RBFOX1: variants seen among roughly 807,000 people sequenced by gnomAD.
RBFOX1 encodes the protein RNA binding fox-1 homolog 1, also known as RNA binding protein fox-1 homolog 1.
RBFOX1 carries 8 observed loss-of-function variants against 57.7 expected under a neutral mutation model. The ratio of observed to expected loss-of-function variants is 0.14; its 90% confidence interval spans 0.08 to 0.25. RBFOX1 has a LOEUF of 0.25. RBFOX1 is among the 10% of genes least tolerant of loss of function. RBFOX1 has a pLI of 1.00. For synonymous variants in RBFOX1, 326 were observed against 222.4 expected (o/e 1.47, Z -4.15); for missense variants, 611 against 548.5 (o/e 1.11, Z -1.14).
chr16:5,623,503 G>T (rs1474056773), intron 3 of RBFOX1, among the ~76,000 whole-genome samples: 1 of 152,118 alleles, frequency 6.6e-6, no homozygotes, highest in Non-Finnish European at 1.5e-5. Context: ...GGCCCATGAA[G>T]ACTTTTCTGC....
chr16:7,616,706 A>G (rs953765187), intron 10 of RBFOX1, among the ~76,000 whole-genome samples: 6 of 152,028 alleles, frequency 3.9e-5, no homozygotes, highest in African/African-American at 1.4e-4. Flanking sequence ...TAACTTTTGT[A>G]TTTTTAGTAG....
chr16:6,289,261 A>T (rs961209160), intron 1 of RBFOX1, among the ~76,000 whole-genome samples: 1 of 152,132 alleles, frequency 6.6e-6, no homozygotes, highest in East Asian at 1.9e-4. Context: ...TGGATATAGG[A>T]TGGAAAGGTT....
In RBFOX1 at chr16:7,387,137, T is replaced by A. The variant is rs544878016; in HGVS notation, c.28-131010T>A. Among the ~76,000 whole-genome samples, 6 of 152,314 alleles carry A rather than the reference T, an allele frequency of 3.9e-5. No homozygotes were observed. The East Asian group carries it at 1.2e-3, about 29-fold the overall frequency. On this transcript the variant is annotated intron_variant, in intron 4 of 15. Coordinates refer to ENST00000550418, the MANE Select transcript of RBFOX1 (RefSeq NM_018723.4). The stretch of plus-strand genomic sequence containing the variant: ...TTCTGGATATTAGCCCTTTGTCAGA[T>A]GAATAGATGGTAAAAATTTTGTCCC...
intron 3 of RBFOX1, among the ~76,000 whole-genome samples, chr16:6,777,739 G>C (rs1411835471): frequency 1.3e-5 from 2 of 152,018 alleles, no homozygotes; most frequent in Non-Finnish European, 2.9e-5. Context: ...TGGTGGGCTT[G>C]GTAAATTTTT....
intron 2 of RBFOX1, among the ~76,000 whole-genome samples, chr16:6,465,542 C>T (rs947169009): frequency 3.3e-5 from 5 of 151,682 alleles, no homozygotes; most frequent in Admixed American, 2.6e-4. Flanking sequence ...GCTAAGTTTA[C>T]CTGCACTTTT....
At chr16:6,672,273 T>C (rs374614577) in intron 3 of RBFOX1, among the ~76,000 whole-genome samples, 2 of 152,038 alleles carry the variant, frequency 1.3e-5, no homozygotes, top group Non-Finnish European at 2.9e-5. Flanking sequence ...TGGAGAAATA[T>C]ACATCCAATA....
intron 1 of RBFOX1, among the ~76,000 whole-genome samples, chr16:6,134,140 T>A (rs530067764): frequency 1.6e-4 from 25 of 152,192 alleles, no homozygotes; most frequent in Admixed American, 5.2e-4. Flanking sequence ...TTTCACCATG[T>A]TGGCCAGGCT....
intron 8 of RBFOX1, among the ~76,000 whole-genome samples, chr16:7,596,552 GT>G (rs764246612): frequency 2.0e-5 from 3 of 151,824 alleles, no homozygotes; most frequent in Non-Finnish European, 4.4e-5. Flanking sequence ...TCCATCTGCC[GT>G]TTCACGTATT....
chr16:7,318,746 G>GCTAT (rs2096490642), intron 4 of RBFOX1, among the ~76,000 whole-genome samples: 2 of 152,164 alleles, frequency 1.3e-5, no homozygotes, highest in African/African-American at 4.8e-5. Flanking sequence ...ATAGCAGGCT[G>GCTAT]AAAAGGCTGT....
chr16:7,109,755 A>G (rs865852617), intron 4 of RBFOX1, among the ~76,000 whole-genome samples: 4 of 152,100 alleles, frequency 2.6e-5, no homozygotes, highest in Non-Finnish European at 5.9e-5. Context: ...AAAAATCGAG[A>G]TGACTCCTTT....
intron 4 of RBFOX1, among the ~76,000 whole-genome samples, chr16:7,158,664 A>G (rs2077644445): frequency 6.7e-6 from 1 of 148,668 alleles, no homozygotes; most frequent in Non-Finnish European, 1.5e-5. Context: ...TGGTGCGTGC[A>G]CGCACGTATG....
chr16:5,923,573 G>GCT (rs1470604280), intron 4 of RBFOX1, among the ~76,000 whole-genome samples: 1 of 122,318 alleles, frequency 8.2e-6, no homozygotes, highest in Non-Finnish European at 1.6e-5. Flanking sequence ...GTAGAGCCTT[G>GCT]CTGTGTGGCC....
intron 3 of RBFOX1, among the ~76,000 whole-genome samples, chr16:7,025,146 C>T (rs1033103734): frequency 6.6e-6 from 1 of 152,114 alleles, no homozygotes; most frequent in Admixed American, 6.6e-5. Context: ...ACAGAACAGC[C>T]CTGAAGGCTG....
chr16:7,636,417 C>T (rs2061764333), intron 11 of RBFOX1, among the ~76,000 whole-genome samples: 1 of 152,116 alleles, frequency 6.6e-6, no homozygotes, highest in Admixed American at 6.5e-5. Flanking sequence ...TGAGATTTTT[C>T]TTATTTTATT....
At chr16:5,334,287 T>C (rs559130568) in intron 1 of RBFOX1, among the ~76,000 whole-genome samples, 21 of 152,314 alleles carry the variant, frequency 1.4e-4, no homozygotes, top group African/African-American at 4.3e-4. Flanking sequence ...TGGTCAGAGA[T>C]GTCATTTGTG....
intron 1 of RBFOX1, among the ~76,000 whole-genome samples, chr16:5,398,976 G>A (rs937675543): frequency 2.1e-4 from 32 of 152,334 alleles, no homozygotes; most frequent in African/African-American, 7.2e-4. Context: ...TCCAGTCCCA[G>A]CTTTTCTCCT....
At chr16:7,520,174 C>T (rs751682515) in intron 5 of RBFOX1, among the ~76,000 whole-genome samples, 5 of 152,136 alleles carry the variant, frequency 3.3e-5, no homozygotes, top group Non-Finnish European at 4.4e-5. Flanking sequence ...CGTGAGCCAC[C>T]GCGCCCGGCC....
At chr16:6,527,587 C>G (rs959253297) in intron 2 of RBFOX1, among the ~76,000 whole-genome samples, 2 of 152,170 alleles carry the variant, frequency 1.3e-5, no homozygotes, top group African/African-American at 2.4e-5. Context: ...TTAGGACCCT[C>G]TAAATTGTAA....
intron 4 of RBFOX1, among the ~76,000 whole-genome samples, chr16:7,418,493 C>G (rs1239709316): frequency 7.9e-5 from 12 of 152,180 alleles, no homozygotes; most frequent in African/African-American, 1.7e-4. Context: ...TTCTGTGTCT[C>G]TGCCTGACAC....
Sources: gnomAD v4.1 joint callset for allele counts (sites outside exome capture counted in the v4.1 genomes callset) on GRCh38, gnomAD v4.1.1 for gene constraint, MANE v1.5 for transcripts, NCBI Gene and HGNC (gene_info 2026-07-23, HGNC 2026-07-21) for gene names.